The following TMPRSS2 variants were observed in gnomAD, a reference collection of about 807,000 sequenced individuals.
The protein encoded by TMPRSS2 is transmembrane protease serine 2.
TMPRSS2 carries 59 observed loss-of-function variants against 67.4 expected under a neutral mutation model. That is an observed-to-expected ratio of 0.88 (90% CI 0.71 to 1.09). TMPRSS2 has a LOEUF of 1.09. Among genes scored for constraint, TMPRSS2 ranks in the 50% least tolerant of loss-of-function variants. The pLI is 0.00. For synonymous variants in TMPRSS2, 257 were observed against 257.0 expected (o/e 1.00, Z 0.00); for missense variants, 668 against 642.7 (o/e 1.04, Z -0.43).
At chr21:41,468,170 T>C in intron 12 of TMPRSS2, 1 of 630,732 alleles carries the variant, frequency 1.6e-6, no homozygotes, top group Non-Finnish European at 2.7e-6. Context: ...CCACTGGCAC[T>C]TTTACCAAAT....
chr21:41,504,932 G>C (rs1317717747), intron 1 of TMPRSS2, among the ~76,000 whole-genome samples: 1 of 152,170 alleles, frequency 6.6e-6, no homozygotes, highest in East Asian at 1.9e-4. Context: ...AAGTAAGGAG[G>C]GGCGGGGAAG....
At chr21:41,488,645 G>T in intron 4 of TMPRSS2, 132 bp from the exon 5 acceptor site, 1 of 1,123,090 alleles carries the variant, frequency 8.9e-7, no homozygotes, top group Non-Finnish European at 1.2e-6. Context: ...GTTTTGTTTT[G>T]TTTTGTTTTT....
At chr21:41,469,878 G>T (rs1417338866) in intron 11 of TMPRSS2, among the ~76,000 whole-genome samples, 1 of 152,118 alleles carries the variant, frequency 6.6e-6, no homozygotes, top group African/African-American at 2.4e-5. Context: ...AATATTTGTC[G>T]ATATTCCCTT....
chr21:41,474,004 A>G (rs1174611288), intron 8 of TMPRSS2, among the ~76,000 whole-genome samples: 3 of 5,478 alleles, frequency 5.5e-4, no homozygotes, highest in African/African-American at 2.2e-3. Flanking sequence ...GTGAGGGGGT[A>G]ATTGAGGGGG....
intron 1 of TMPRSS2, among the ~76,000 whole-genome samples, chr21:41,507,319 A>G (rs1377083487): frequency 6.6e-6 from 1 of 152,056 alleles, no homozygotes; most frequent in African/African-American, 2.4e-5. Context: ...CCAACCCGGC[A>G]CGGAGCGCAA....
chr21:41,476,658 G>T, intron 7 of TMPRSS2, 38 bp from the exon 8 acceptor site: 6 of 1,565,878 alleles, frequency 3.8e-6, no homozygotes, highest in Non-Finnish European at 5.3e-6. Flanking sequence ...TCACGATAGT[G>T]CGGAGTCACC....
chr21:41,504,383 A>C (rs2091443617), intron 1 of TMPRSS2, among the ~76,000 whole-genome samples: 1 of 152,160 alleles, frequency 6.6e-6, no homozygotes. Flanking sequence ...GAGGATGAAA[A>C]GCCTGTCTTC....
intron 4 of TMPRSS2, among the ~76,000 whole-genome samples, chr21:41,489,254 G>A (rs2298664): frequency 6.6e-6 from 1 of 152,028 alleles, no homozygotes; most frequent in African/African-American, 2.4e-5. Flanking sequence ...GTGGCCCCAA[G>A]GTAGAAGAAC....
intron 4 of TMPRSS2, 44 bp from the exon 5 acceptor site, chr21:41,488,557 C>T (rs375051477): frequency 1.2e-4 from 187 of 1,579,846 alleles, no homozygotes; most frequent in Non-Finnish European, 1.5e-4. Context: ...GGCTGAGAAA[C>T]GCAATGAGCC....
At chr21:41,498,903 G>A (rs936026033) in intron 1 of TMPRSS2, among the ~76,000 whole-genome samples, 1 of 152,138 alleles carries the variant, frequency 6.6e-6, no homozygotes, top group Non-Finnish European at 1.5e-5. Context: ...GTGGGAGAGT[G>A]GGGAAAGAGT....
Position 41,479,286 on chromosome 21 carries a change from A to C in TMPRSS2, c.573-4T>G. On this transcript the variant is annotated splice_polypyrimidine_tract_variant and splice_region_variant and intron_variant, in intron 6 of 13. Coordinates refer to ENST00000332149, the MANE Select transcript of TMPRSS2 (RefSeq NM_005656.4). ...TTGGCTAGAGTAAAAATTATTCCTA[A>C]AAAAGAAAACCTTATTTGTGATAAT... The C allele has an allele frequency of 1.9e-6, 3 of 1,610,314 alleles. No homozygotes were observed. Among genetic ancestry groups the C allele is most frequent in the Non-Finnish European group, 1.7e-6 (2 of 1,177,062 alleles).
intron 13 of TMPRSS2, 90 bp from the exon 14 acceptor site, chr21:41,466,243 C>T: frequency 3.8e-6 from 5 of 1,329,358 alleles, no homozygotes; most frequent in Non-Finnish European, 5.3e-6. Context: ...GCATGAAGCA[C>T]TTAGAAACCA....
intron 1 of TMPRSS2, chr21:41,502,691 C>T: frequency 3.4e-6 from 2 of 587,622 alleles, no homozygotes; most frequent in Non-Finnish European, 4.3e-6. Flanking sequence ...TCAGCAGAAA[C>T]TTGTTTATGT....
In TMPRSS2 at chr21:41,508,106, C is replaced by G; in HGVS notation, c.-82G>C. The stretch of plus-strand genomic sequence containing the variant: ...CTGCCGCGCTCCAGGCGGCGCTCCC[C>G]GCCCCTCGCCCTCCGCCTCCGCCTC... On this transcript the variant is annotated 5_prime_UTR_variant, in exon 1 of 14. Coordinates refer to ENST00000332149, the MANE Select transcript of TMPRSS2 (RefSeq NM_005656.4). The G allele has an allele frequency of 1.7e-6, 2 of 1,153,930 alleles. No homozygotes were observed. The highest frequency in any genetic ancestry group is 2.2e-6 in the Non-Finnish European group (2 of 895,240). 71.5% of individuals were successfully genotyped at this position (1,153,930 alleles called of 1,614,324 possible).
At chr21:41,502,638 G>T (rs2146506945) in intron 1 of TMPRSS2, 1 of 958,956 alleles carries the variant, frequency 1.0e-6, no homozygotes, top group Non-Finnish European at 1.2e-6. Context: ...AGGATAGAAT[G>T]CATGACTAAA....
intron 1 of TMPRSS2, chr21:41,502,609 G>A (rs544083065): frequency 7.1e-6 from 7 of 983,950 alleles, no homozygotes; most frequent in East Asian, 2.3e-4. Context: ...ATTATACAAC[G>A]AGATGTTCTA....
chr21:41,486,915 T>C (rs1468791006), intron 5 of TMPRSS2: 1 of 152,050 alleles, frequency 6.6e-6, no homozygotes, highest in Non-Finnish European at 1.5e-5. Flanking sequence ...AGAAGAGAAA[T>C]GGAGACTTTG....
rs1318657441 is a variant in TMPRSS2 at position 41,494,396 on chromosome 21, G to A, written c.198C>T (p.Cys66=). ...TCCCGGATGGGGATTTGGGCTGCGT[G>A]CAGACGACGGGGTTGGAAGCCTGCG... The part of the protein sequence containing the change: ...VLTQASNPVV[C]TQPKSPSGTV... The change falls in exon 3 of 14, where the codon TGC becomes TGT. Residue 66 remains cysteine (C), a synonymous_variant. Coordinates refer to ENST00000332149, the MANE Select transcript of TMPRSS2 (RefSeq NM_005656.4). The A allele has an allele frequency of 3.1e-6, 5 of 1,610,762 alleles. No individual in the cohort carries two copies. Among genetic ancestry groups the A allele is most frequent in the Non-Finnish European group, 4.2e-6 (5 of 1,179,166 alleles).
At chr21:41,470,433 T>C (rs2091122563) in intron 11 of TMPRSS2, among the ~76,000 whole-genome samples, 1 of 152,230 alleles carries the variant, frequency 6.6e-6, no homozygotes, top group African/African-American at 2.4e-5. Context: ...TGCTGCTCTG[T>C]GTGATCACGA....
Sources: allele counts gnomAD v4.1 joint callset (sites outside exome capture counted in the v4.1 genomes callset), GRCh38; gene constraint gnomAD v4.1.1; transcripts MANE v1.5; gene names NCBI Gene and HGNC (gene_info 2026-07-23, HGNC 2026-07-21).